The following SRFBP1 variants were observed in gnomAD, a reference collection of about 807,000 sequenced individuals.
SRFBP1 encodes the protein serum response factor-binding protein 1.
In SRFBP1, 47 loss-of-function variants were observed where a neutral mutation model predicts 45.5. The ratio of observed to expected loss-of-function variants is 1.03; its 90% confidence interval spans 0.82 to 1.32. The LOEUF (loss-of-function observed/expected upper bound fraction) is 1.32. Ranked by LOEUF, SRFBP1 falls within the 40% of genes most tolerant of loss-of-function variation. SRFBP1 has a pLI of 0.00. For missense variants in SRFBP1, 621 were observed against 484.6 expected (o/e 1.28, Z -2.64); for synonymous variants, 203 against 166.3 (o/e 1.22, Z -1.70).
At chr5:122,056,572 G>C (rs1200602428) in intron 2 of SRFBP1, among the ~76,000 whole-genome samples, 1 of 152,102 alleles carries the variant, frequency 6.6e-6, no homozygotes, top group Non-Finnish European at 1.5e-5. Flanking sequence ...TTTGAACCTG[G>C]AGCTATTTAT....
chr5:122,045,570 C>T (rs2112736001), intron 2 of SRFBP1, among the ~76,000 whole-genome samples: 1 of 152,276 alleles, frequency 6.6e-6, no homozygotes, highest in South Asian at 2.1e-4. Flanking sequence ...AGATCTTTCA[C>T]CTCAATAGTT....
At chr5:122,004,723 A>T (rs988884908) in intron 4 of SRFBP1, among the ~76,000 whole-genome samples, 1 of 151,558 alleles carries the variant, frequency 6.6e-6, no homozygotes, top group African/African-American at 2.4e-5. Context: ...TATTTTTCTA[A>T]TTCTTTGAGG....
At chr5:122,067,074 T>C (rs936155368) in intron 2 of SRFBP1, among the ~76,000 whole-genome samples, 4 of 152,078 alleles carry the variant, frequency 2.6e-5, no homozygotes, top group African/African-American at 7.2e-5. Context: ...GGAACAAGGG[T>C]GGCATGTCCA....
At chr5:122,061,126 A>G (rs1046233527) in intron 2 of SRFBP1, among the ~76,000 whole-genome samples, 2 of 150,610 alleles carry the variant, frequency 1.3e-5, no homozygotes, top group Non-Finnish European at 2.9e-5. Flanking sequence ...ACTAGCTGGT[A>G]GTATTGGCTC....
chr5:121,992,975 G>A (rs574905845), intron 3 of SRFBP1, among the ~76,000 whole-genome samples: 4 of 152,164 alleles, frequency 2.6e-5, no homozygotes, highest in East Asian at 1.9e-4. Context: ...CAGGAGCCTC[G>A]TGTCTTCTAC....
At chr5:122,007,252 C>T (rs1752996450) in intron 4 of SRFBP1, among the ~76,000 whole-genome samples, 1 of 151,996 alleles carries the variant, frequency 6.6e-6, no homozygotes, top group Non-Finnish European at 1.5e-5. Context: ...ACACAGTCTA[C>T]ACGGGTGGTC....
chr5:122,042,055 T>G (rs561443394), intron 2 of SRFBP1, among the ~76,000 whole-genome samples: 1 of 152,190 alleles, frequency 6.6e-6, no homozygotes, highest in Non-Finnish European at 1.5e-5. Context: ...AATGAAGATA[T>G]GATTTTTTGT....
At chr5:121,977,037 AGTT>A (rs1310500546) in intron 3 of SRFBP1, among the ~76,000 whole-genome samples, 1 of 151,942 alleles carries the variant, frequency 6.6e-6, no homozygotes, top group East Asian at 1.9e-4. Context: ...TAGAAAGAAA[AGTT>A]GTCCTTTTTG....
rs184972827 is a variant in SRFBP1 at position 121,983,832 on chromosome 5, T to C, written c.198+8445T>C. On this transcript the variant is annotated intron_variant, in intron 3 of 7. Transcript: ENST00000339397. ...CAGCAAAAACCTGACACTAGTAAAATTTCTTAGTAGTAAACTTACTTTGTT... is the reference window on the plus strand; with the variant it reads ...CAGCAAAAACCTGACACTAGTAAAACTTCTTAGTAGTAAACTTACTTTGTT... Among the ~76,000 whole-genome samples the C allele has an allele frequency of 2.0e-5, 3 of 151,766 alleles. No homozygotes were observed. In the East Asian group the frequency reaches 5.8e-4, roughly 29 times the overall value.
At chr5:122,017,339 T>G (rs1231641159) in intron 4 of SRFBP1, among the ~76,000 whole-genome samples, 5 of 152,170 alleles carry the variant, frequency 3.3e-5, no homozygotes, top group Admixed American at 2.0e-4. Flanking sequence ...GGGGAAACTT[T>G]CCTGTGTCTT....
chr5:121,997,961 A>G (rs936320275), intron 4 of SRFBP1, among the ~76,000 whole-genome samples: 1 of 151,238 alleles, frequency 6.6e-6, no homozygotes. Context: ...CAAAACCACT[A>G]TGAGATACCA....
chr5:122,019,089 C>A (rs1341810104), intron 4 of SRFBP1, among the ~76,000 whole-genome samples, 171 bp from the exon 5 acceptor site: 2 of 152,026 alleles, frequency 1.3e-5, no homozygotes, highest in African/African-American at 4.8e-5. Flanking sequence ...TCAGGATGAT[C>A]TTTGTCTTTA....
At chr5:122,075,676 G>A (rs377452065), downstream of SRFBP1, 33 of 559,922 alleles carry the variant, frequency 5.9e-5, no homozygotes, top group South Asian at 1.3e-3. Flanking sequence ...AGAGTCTAAG[G>A]CATTTTGTTT....
downstream of SRFBP1, among the ~76,000 whole-genome samples, chr5:122,033,035 T>C (rs1257796804): frequency 1.3e-5 from 2 of 152,148 alleles, no homozygotes; most frequent in African/African-American, 4.8e-5. Flanking sequence ...GTAAGAAATA[T>C]TACCTCTATG....
At chr5:121,975,258 C>T in intron 2 of SRFBP1, 57 bp from the exon 3 acceptor site, 1 of 1,544,610 alleles carries the variant, frequency 6.5e-7, no homozygotes, top group East Asian at 2.3e-5. Flanking sequence ...ATCCATTACA[C>T]TATAAGTCTA....
intron 2 of SRFBP1, among the ~76,000 whole-genome samples, chr5:122,046,366 G>T (rs1158882537): frequency 1.3e-5 from 2 of 152,148 alleles, no homozygotes; most frequent in African/African-American, 2.4e-5. Context: ...TCCCTACAAA[G>T]GACATGAACT....
In SRFBP1 at chr5:121,974,132, A is replaced by G. The variant is rs1157604637; in HGVS notation, c.37-64A>G. 11 of 1,158,694 alleles carry G rather than the reference A, an allele frequency of 9.5e-6. No individual in the cohort carries two copies. In the South Asian group the frequency reaches 1.3e-4, roughly 14 times the overall value. 71.8% of individuals were successfully genotyped at this position (1,158,694 alleles called of 1,614,324 possible). The stretch of plus-strand genomic sequence containing the variant: ...ACTAAGTCTCAAATATTAAGACTCA[A>G]AATAAAGTGTGTTTGTTCCTGAAGT... On this transcript the variant is annotated intron_variant, in intron 1 of 7. Coordinates refer to ENST00000339397, the MANE Select transcript of SRFBP1 (RefSeq NM_152546.3).
At chr5:122,052,973 G>T (rs188407163) in intron 2 of SRFBP1, among the ~76,000 whole-genome samples, 2 of 151,624 alleles carry the variant, frequency 1.3e-5, no homozygotes, top group African/African-American at 4.8e-5. Context: ...AGGTGGGTTT[G>T]GCTGGCTTGC....
chr5:122,028,072 T>C lies in SRFBP1; in HGVS notation c.*946T>C, dbSNP rs969584293. 9 of 152,190 alleles carry C rather than the reference T, an allele frequency of 5.9e-5. No individual in the cohort carries two copies. The highest frequency in any genetic ancestry group is 1.0e-4 in the Non-Finnish European group (7 of 68,032). 9.4% of individuals were successfully genotyped at this position (152,190 alleles called of 1,614,324 possible). On this transcript the variant is annotated 3_prime_UTR_variant, in exon 8 of 8. Coordinates refer to ENST00000339397, the MANE Select transcript of SRFBP1 (RefSeq NM_152546.3). ...GCAAAGAAGTTGTAAGATGACTCACTGAGGAAGGGACTGCTTTATACATCA... is the reference window on the plus strand; with the variant it reads ...GCAAAGAAGTTGTAAGATGACTCACCGAGGAAGGGACTGCTTTATACATCA...
Sources: gnomAD v4.1 joint callset for allele counts (sites outside exome capture counted in the v4.1 genomes callset) on GRCh38, gnomAD v4.1.1 for gene constraint, MANE v1.5 for transcripts, NCBI Gene and HGNC (gene_info 2026-07-23, HGNC 2026-07-21) for gene names.